RANBP17: variants seen among roughly 807,000 people sequenced by gnomAD.
The protein encoded by RANBP17 is RAN binding protein 17.
Under a neutral mutation model 141.2 loss-of-function variants are expected in RANBP17, and 158 were observed. That is an observed-to-expected ratio of 1.12 (90% CI 0.98 to 1.28). The LOEUF (loss-of-function observed/expected upper bound fraction) is 1.28, where lower values mean the gene tolerates loss of function less well. Among genes scored for constraint, RANBP17 ranks in the 50% most tolerant of loss-of-function variants. The pLI is 0.00. For synonymous variants in RANBP17, 430 were observed against 450.0 expected (o/e 0.96, Z 0.56); for missense variants, 1,438 against 1,290.7 (o/e 1.11, Z -1.75).
chr5:170,863,874 A>G (rs1324515741), intron 1 of RANBP17, among the ~76,000 whole-genome samples: 1 of 152,104 alleles, frequency 6.6e-6, no homozygotes, highest in Non-Finnish European at 1.5e-5. Context: ...TTCACAGTAC[A>G]TTCCTGTAGA....
At chr5:170,903,675 C>G in intron 5 of RANBP17, 1 of 285,766 alleles carries the variant, frequency 3.5e-6, no homozygotes. Context: ...AGCAAGCAGA[C>G]TGTGTGTTGC....
Position 170,953,657 on chromosome 5 carries a change from C to G in RANBP17, c.1529C>G (p.Thr510Ser). 1 of 1,611,242 alleles carries G rather than the reference C, an allele frequency of 6.2e-7. No individual in the cohort carries two copies. The highest frequency in any genetic ancestry group is 8.5e-7 in the Non-Finnish European group (1 of 1,177,706). ...GTTGTAGGAGGAAGATTAACATATACCAGTACAGATGAGCATGATGCTATG... is the reference window on the plus strand; with the variant it reads ...GTTGTAGGAGGAAGATTAACATATAGCAGTACAGATGAGCATGATGCTATG... ...GTVVGGRLTYTSTDEHDAMDG... is the reference protein window; with the variant it reads ...GTVVGGRLTYSSTDEHDAMDG... Residue 510 changes from threonine to serine, a missense_variant, in exon 13 of 28, where the codon ACC (threonine) becomes AGC (serine). Physicochemically the swap from Thr to Ser is moderately conservative, Grantham distance 58. Transcript: ENST00000523189.
At chr5:171,270,481 C>G (rs894766278) in intron 25 of RANBP17, among the ~76,000 whole-genome samples, 4 of 152,114 alleles carry the variant, frequency 2.6e-5, no homozygotes, top group Admixed American at 2.0e-4. Flanking sequence ...CCAACCGTAA[C>G]AGTGATCAGA....
In RANBP17 at chr5:171,121,725, A is replaced by C. The variant is rs1756049018; in HGVS notation, c.1711-48405A>C. 2.0e-5 allele frequency among the ~76,000 whole-genome samples: 3 copies of C among 152,270 alleles called. No homozygotes were observed. In the East Asian group the frequency reaches 5.8e-4, roughly 29 times the overall value. On this transcript the variant is annotated intron_variant, in intron 14 of 27. Transcript: ENST00000523189. ...ACTGCCACTCCTGGGACCAGGCTCCATGCAACTAGGTTTGTGGTGTTCAGC... is the reference window on the plus strand; with the variant it reads ...ACTGCCACTCCTGGGACCAGGCTCCCTGCAACTAGGTTTGTGGTGTTCAGC...
At chr5:170,998,334 G>C (rs537612742) in intron 14 of RANBP17, among the ~76,000 whole-genome samples, 2 of 152,090 alleles carry the variant, frequency 1.3e-5, no homozygotes, top group Non-Finnish European at 2.9e-5. Flanking sequence ...GGAACACTCA[G>C]GTCACTTTGG....
intron 14 of RANBP17, among the ~76,000 whole-genome samples, chr5:171,063,075 A>C (rs965321587): frequency 4.6e-5 from 7 of 152,010 alleles, no homozygotes; most frequent in African/African-American, 1.7e-4. Flanking sequence ...ATTTTTTTCA[A>C]AGTTTTTAAC....
chr5:170,886,354 A>G (rs1253105102), intron 3 of RANBP17, among the ~76,000 whole-genome samples: 3 of 152,134 alleles, frequency 2.0e-5, no homozygotes, highest in African/African-American at 7.2e-5. Flanking sequence ...GTTCTCTTCT[A>G]GGCCTTGTTA....
At chr5:171,213,897 G>A (rs767364121) in intron 21 of RANBP17, among the ~76,000 whole-genome samples, 159 bp downstream of exon 21, 11 of 152,126 alleles carry the variant, frequency 7.2e-5, no homozygotes, top group African/African-American at 2.4e-4. Context: ...AGAGACATAC[G>A]ATTGAGGCCT....
Position 170,870,655 on chromosome 5 carries a change from A to G in RANBP17, c.19-7442A>G, listed in dbSNP as rs1303637741. 3.9e-5 allele frequency among the ~76,000 whole-genome samples: 6 copies of G among 152,130 alleles called. 1 individual carries two copies. The highest frequency in any genetic ancestry group is 2.6e-4 in the Admixed American group (4 of 15,270). On this transcript the variant is annotated intron_variant, in intron 1 of 27. Transcript: ENST00000523189. ...TTTGGGTTGTTTTCATGTCTTTGCT[A>G]TTGTGAATAGTGCTGCAGTAAACAT...
chr5:171,214,931 T>TG (rs1763125205), intron 21 of RANBP17, among the ~76,000 whole-genome samples: 1 of 152,124 alleles, frequency 6.6e-6, no homozygotes, highest in Admixed American at 6.5e-5. Flanking sequence ...GTGCAGAACA[T>TG]GCAGGTTTGT....
At chr5:171,053,117 G>A (rs1783071483) in intron 14 of RANBP17, among the ~76,000 whole-genome samples, 1 of 152,154 alleles carries the variant, frequency 6.6e-6, no homozygotes, top group Admixed American at 6.5e-5. Context: ...ACCGTGCCCG[G>A]CCATGTCTTT....
At chr5:171,057,913 G>A (rs1783516630) in intron 14 of RANBP17, among the ~76,000 whole-genome samples, 1 of 152,178 alleles carries the variant, frequency 6.6e-6, no homozygotes, top group South Asian at 2.1e-4. Context: ...TGGAGATTAT[G>A]GGGATTACAA....
Position 171,293,931 on chromosome 5 carries a change from C to T in RANBP17, c.2992C>T (p.Gln998Ter). The T allele has an allele frequency of 6.2e-7, 1 of 1,613,952 alleles. No homozygotes were observed. The highest frequency in any genetic ancestry group is 8.5e-7 in the Non-Finnish European group (1 of 1,179,884). Reference sequence around the variant, plus strand: ...CATTGTCTTTGAAGACTGTCGGAACCAGTGGTCAGTATCCAGGCCTCTCCT... The same window carrying T: ...CATTGTCTTTGAAGACTGTCGGAACTAGTGGTCAGTATCCAGGCCTCTCCT... ...NTIVFEDCRN[Q>*]WSVSRPLLGL... Residue 998 changes from glutamine (Q) to a stop codon, truncating the protein, a stop_gained, in exon 26 of 28, where the codon CAG (glutamine) becomes TAG (stop). Coordinates refer to ENST00000523189, the MANE Select transcript of RANBP17 (RefSeq NM_022897.5). LOFTEE classifies it high-confidence loss of function.
intron 12 of RANBP17, among the ~76,000 whole-genome samples, chr5:170,927,795 T>TA (rs1379134136): frequency 9.9e-5 from 15 of 152,250 alleles, no homozygotes; most frequent in East Asian, 5.8e-4. Context: ...GAATTACACT[T>TA]AGAGTTTTTG....
chr5:171,057,366 T>A (rs1235057927), intron 14 of RANBP17, among the ~76,000 whole-genome samples: 2 of 152,128 alleles, frequency 1.3e-5, no homozygotes, highest in East Asian at 3.8e-4. Context: ...TACAATAAAG[T>A]TAGCATATTT....
rs190347786 is a variant in RANBP17 at position 171,114,511 on chromosome 5, T to C, written c.1711-55619T>C. On this transcript the variant is annotated intron_variant, in intron 14 of 27. Coordinates refer to ENST00000523189, the MANE Select transcript of RANBP17 (RefSeq NM_022897.5). ...GAATGATTTTATAATTAAAGCAGATTGGGTATAAATGTTTATATTTCAGTA... is the reference window on the plus strand; with the variant it reads ...GAATGATTTTATAATTAAAGCAGATCGGGTATAAATGTTTATATTTCAGTA... Among the ~76,000 whole-genome samples the C allele has an allele frequency of 3.9e-5, 6 of 151,960 alleles. No individual in the cohort carries two copies. The East Asian group carries it at 1.2e-3, about 29-fold the overall frequency.
rs1784372499 is a variant in RANBP17, at chr5:171,067,355, C to T, written c.1710+98978C>T. On this transcript the variant is annotated intron_variant, in intron 14 of 27. Transcript: ENST00000523189. ...TCTGTATACATTGTGTTCTTGTTAA[C>T]ATATATTTACAGTTAATGCCTTTTA... Among the ~76,000 whole-genome samples the T allele has an allele frequency of 2.0e-5, 3 of 152,082 alleles. No individual in the cohort carries two copies. The South Asian group carries it at 6.2e-4, about 32-fold the overall frequency.
At chr5:171,248,268 G>A (rs1765343544) in intron 24 of RANBP17, among the ~76,000 whole-genome samples, 1 of 151,662 alleles carries the variant, frequency 6.6e-6, no homozygotes, top group South Asian at 2.1e-4. Flanking sequence ...TCGGGAGACT[G>A]AGGCAGGAGA....
At chr5:170,946,165 G>C (rs1031100561) in intron 12 of RANBP17, among the ~76,000 whole-genome samples, 7 of 152,180 alleles carry the variant, frequency 4.6e-5, no homozygotes, top group African/African-American at 1.7e-4. Flanking sequence ...ACTTAGAACA[G>C]TGCCTAGTGC....
Sources: gnomAD v4.1 joint callset for allele counts (sites outside exome capture counted in the v4.1 genomes callset) on GRCh38, gnomAD v4.1.1 for gene constraint, MANE v1.5 for transcripts, NCBI Gene and HGNC (gene_info 2026-07-23, HGNC 2026-07-21) for gene names.